Variants in ZEB1 observed in about 807,000 individuals in gnomAD.
The protein encoded by ZEB1 is zinc finger E-box-binding homeobox 1.
Under a neutral mutation model 84.9 loss-of-function variants are expected in ZEB1, and 21 were observed. That is an observed-to-expected ratio of 0.25 (90% CI 0.18 to 0.36). The LOEUF (loss-of-function observed/expected upper bound fraction) is 0.36. Among genes scored for constraint, ZEB1 ranks in the 10% least tolerant of loss-of-function variants. The pLI, the probability that ZEB1 is intolerant of heterozygous loss-of-function variation, is 1.00. For synonymous variants in ZEB1, 420 were observed against 471.1 expected (o/e 0.89, Z 1.41); for missense variants, 1,104 against 1,330.2 (o/e 0.83, Z 2.65).
intron 1 of ZEB1, among the ~76,000 whole-genome samples, chr10:31,408,154 A>C (rs1420550218): frequency 1.3e-5 from 2 of 151,572 alleles, no homozygotes; most frequent in African/African-American, 4.8e-5. Context: ...ATTGCTTCAA[A>C]GAGAATAAAA....
At chr10:31,519,867 T>A (rs1032673907) in intron 6 of ZEB1, among the ~76,000 whole-genome samples, 1 of 152,212 alleles carries the variant, frequency 6.6e-6, no homozygotes, top group African/African-American at 2.4e-5. Flanking sequence ...TTATAAAGAT[T>A]GGTGGAAATA....
intron 1 of ZEB1, among the ~76,000 whole-genome samples, chr10:31,449,441 C>T (rs1362707916): frequency 6.6e-6 from 1 of 151,990 alleles, no homozygotes; most frequent in Admixed American, 6.6e-5. Context: ...TCCTCTCTGC[C>T]TATATTTTCT....
At chr10:31,458,336 TTGTGTGTGTG>T (rs770656843) in intron 1 of ZEB1, among the ~76,000 whole-genome samples, 3 of 102,262 alleles carry the variant, frequency 2.9e-5, no homozygotes, top group Admixed American at 8.7e-5. Flanking sequence ...TGTGTGTGTG[TTGTGTGTGTG>T]TGTGTGTGTG....
At chr10:31,508,179 G>A (rs1239976910) in intron 4 of ZEB1, among the ~76,000 whole-genome samples, 1 of 152,192 alleles carries the variant, frequency 6.6e-6, no homozygotes, top group Non-Finnish European at 1.5e-5. Flanking sequence ...AGCAGTGGTA[G>A]TAACGGGCTT....
intron 1 of ZEB1, among the ~76,000 whole-genome samples, chr10:31,375,795 T>C (rs1002543062): frequency 1.3e-5 from 2 of 151,650 alleles, no homozygotes; most frequent in Non-Finnish European, 3.0e-5. Context: ...TGTTTATAGA[T>C]ATGGAAAGGA....
intron 1 of ZEB1, among the ~76,000 whole-genome samples, chr10:31,429,733 C>CTTTTTTTTTTTT (rs35031058): frequency 1.3e-5 from 1 of 79,548 alleles, no homozygotes; most frequent in African/African-American, 6.7e-5. Context: ...ACAGGCAGAA[C>CTTTTTTTTTTTT]TTTTTTTTTT....
chr10:31,525,866 C>T (rs1565231765), intron 8 of ZEB1, among the ~76,000 whole-genome samples: 2 of 152,178 alleles, frequency 1.3e-5, no homozygotes, highest in African/African-American at 2.4e-5. Flanking sequence ...CCTTCCTCTT[C>T]AGGCAAAGTT....
At chr10:31,358,595 G>A (rs2134017125) in intron 1 of ZEB1, 1 of 152,196 alleles carries the variant, frequency 6.6e-6, no homozygotes, top group South Asian at 2.1e-4. Context: ...AAGGAGTTTT[G>A]TATCATAACC....
rs564184664 is a variant in ZEB1 at position 31,470,255 on chromosome 10, A to G, written c.259+9018A>G. ...TGAGAGAAGAAGGCTTCAGACGATC[A>G]AATTACTCTGAGCTACGGGAGGACA... On this transcript the variant is annotated intron_variant, in intron 2 of 8. Coordinates refer to ENST00000424869, the MANE Select transcript of ZEB1 (RefSeq NM_001174096.2). 9.8e-3 allele frequency among the ~76,000 whole-genome samples: 1,486 copies of G among 151,998 alleles called. 7 individuals are homozygous for G. The highest frequency in any genetic ancestry group is 0.017 in the Non-Finnish European group (1,150 of 67,962).
chr10:31,372,526 C>T (rs941595796), intron 1 of ZEB1, among the ~76,000 whole-genome samples: 6 of 151,990 alleles, frequency 3.9e-5, no homozygotes, highest in Middle Eastern at 3.4e-3. Context: ...AAGTTGGTAA[C>T]GATAAATTTT....
chr10:31,411,893 A>G (rs1333819301), intron 1 of ZEB1, among the ~76,000 whole-genome samples: 1 of 152,116 alleles, frequency 6.6e-6, no homozygotes, highest in South Asian at 2.1e-4. Context: ...GGGGTTGGGG[A>G]GGGAATTGCT....
chr10:31,447,752 C>T (rs947498503), intron 1 of ZEB1, among the ~76,000 whole-genome samples: 2 of 152,178 alleles, frequency 1.3e-5, no homozygotes, highest in African/African-American at 4.8e-5. Context: ...CCCCACTCTT[C>T]TGGCTTGTAG....
At chr10:31,321,028 A>G (rs2033875390) in intron 1 of ZEB1, 1 of 534,408 alleles carries the variant, frequency 1.9e-6, no homozygotes, top group South Asian at 7.8e-5. Context: ...GGGGCAATAA[A>G]TGCGTCTATA....
chr10:31,348,467 G>T (rs2040719475), intron 1 of ZEB1, among the ~76,000 whole-genome samples: 3 of 152,174 alleles, frequency 2.0e-5, no homozygotes, highest in African/African-American at 7.2e-5. Flanking sequence ...AGGAGGCTGA[G>T]ACAGGAGAAT....
chr10:31,444,870 T>G (rs964043411), intron 1 of ZEB1, among the ~76,000 whole-genome samples: 3 of 151,976 alleles, frequency 2.0e-5, no homozygotes, highest in African/African-American at 7.3e-5. Flanking sequence ...TTTGTTCTTT[T>G]GGCTTAGGAT....
intron 1 of ZEB1, among the ~76,000 whole-genome samples, chr10:31,346,126 A>G (rs2040267175): frequency 6.6e-6 from 1 of 152,150 alleles, no homozygotes. Context: ...TAGGGAGTTT[A>G]TAGGGAAGCT....
intron 7 of ZEB1, 30 bp from the exon 8 acceptor site, chr10:31,523,903 T>G (rs192192120): frequency 6.2e-7 from 1 of 1,608,764 alleles, no homozygotes; most frequent in Non-Finnish European, 8.5e-7. Flanking sequence ...TAATGTTAAA[T>G]TACATTTTCT....
chr10:31,351,024 T>A (rs2041231058), intron 1 of ZEB1, among the ~76,000 whole-genome samples: 1 of 152,132 alleles, frequency 6.6e-6, no homozygotes, highest in Non-Finnish European at 1.5e-5. Flanking sequence ...TTCTCCCCCA[T>A]TATGTTCACT....
At chr10:31,385,850 T>C (rs769965269) in intron 1 of ZEB1, among the ~76,000 whole-genome samples, 6 of 152,128 alleles carry the variant, frequency 3.9e-5, no homozygotes, top group Admixed American at 6.6e-5. Flanking sequence ...TTCTCTCTAA[T>C]TTATCAAATT....
Sources: gnomAD v4.1 joint callset for allele counts (sites outside exome capture counted in the v4.1 genomes callset) on GRCh38, gnomAD v4.1.1 for gene constraint, MANE v1.5 for transcripts, NCBI Gene and HGNC (gene_info 2026-07-23, HGNC 2026-07-21) for gene names.